Variants in MED13L observed in about 807,000 individuals in gnomAD.
MED13L encodes the protein mediator of RNA polymerase II transcription subunit 13-like.
MED13L carries 7 observed loss-of-function variants against 220.9 expected under a neutral mutation model. The ratio of observed to expected loss-of-function variants is 0.03; its 90% CI spans 0.02 to 0.06. The LOEUF is 0.06. Among genes scored for constraint, MED13L ranks in the 10% least tolerant of loss-of-function variants. MED13L has a pLI of 1.00. For missense variants in MED13L, 1,965 were observed against 2,760.5 expected (o/e 0.71, Z 6.46); for synonymous variants, 1,011 against 1,015.2 (o/e 1.00, Z 0.08).
At chr12:116,253,517 C>T (rs1489477591) in intron 1 of MED13L, among the ~76,000 whole-genome samples, 1 of 151,972 alleles carries the variant, frequency 6.6e-6, no homozygotes, top group Non-Finnish European at 1.5e-5. Context: ...CGCCAATATC[C>T]TTCATAAACA....
chr12:116,074,396 A>G (rs1392956925), intron 4 of MED13L, among the ~76,000 whole-genome samples: 2 of 152,230 alleles, frequency 1.3e-5, no homozygotes, highest in Non-Finnish European at 2.9e-5. Flanking sequence ...CTCTGCCTCA[A>G]AACAACAACA....
chr12:115,996,596 T>C lies in MED13L; in HGVS notation c.2876A>G (p.His959Arg). Residue 959 changes from histidine to arginine, a missense_variant, in exon 16 of 31, where the codon CAT (histidine) becomes CGT (arginine). By Grantham distance (29) the His-to-Arg change is conservative (BLOSUM62 0). Transcript: ENST00000281928. ...MFAPLKMLPSHCLLPLKIPDA... is the reference protein window; with the variant it reads ...MFAPLKMLPSRCLLPLKIPDA... ...AGGTATCTTCAGAGGTAGCAAACAA[T>C]GGCTCGGCAACATCTTCAGTGGAGC... The C allele has an allele frequency of 1.2e-6, 2 of 1,614,030 alleles. No individual in the cohort carries two copies. Among genetic ancestry groups the C allele is most frequent in the Non-Finnish European group, 1.7e-6 (2 of 1,179,950 alleles).
chr12:116,074,922 A>AC (rs750254309), intron 4 of MED13L, among the ~76,000 whole-genome samples: 3 of 152,254 alleles, frequency 2.0e-5, no homozygotes, highest in Non-Finnish European at 4.4e-5. Context: ...GTATTTAAAT[A>AC]CCCTGCTTAG....
chr12:115,970,796 T>A (rs1176320891), intron 26 of MED13L, 26 bp from the exon 27 acceptor site: 1 of 1,605,426 alleles, frequency 6.2e-7, no homozygotes, highest in Non-Finnish European at 8.5e-7. Context: ...TAGAATTATA[T>A]CAATCAATGA....
At chr12:116,226,982 C>T (rs1342202767) in intron 2 of MED13L, among the ~76,000 whole-genome samples, 1 of 151,050 alleles carries the variant, frequency 6.6e-6, no homozygotes, top group Non-Finnish European at 1.5e-5. Context: ...ACCTTAGGCC[C>T]AATGATACTT....
intron 1 of MED13L, among the ~76,000 whole-genome samples, chr12:116,239,816 T>C (rs532628143): frequency 5.9e-5 from 9 of 152,324 alleles, no homozygotes; most frequent in Non-Finnish European, 8.8e-5. Flanking sequence ...TATCGGCCAA[T>C]TGAATAGAAC....
chr12:115,989,846 C>T (rs1201975184), intron 17 of MED13L, among the ~76,000 whole-genome samples: 1 of 152,156 alleles, frequency 6.6e-6, no homozygotes, highest in Non-Finnish European at 1.5e-5. Context: ...TTGTTTCTTA[C>T]TAGGTCTTCC....
intron 1 of MED13L, among the ~76,000 whole-genome samples, chr12:116,240,495 AAG>A (rs1175690694): frequency 1.3e-5 from 2 of 152,086 alleles, no homozygotes; most frequent in African/African-American, 2.4e-5. Context: ...CAAAAATAAA[AAG>A]AAGTTGAAAT....
At chr12:116,094,716 G>A (rs1405518526) in intron 4 of MED13L, among the ~76,000 whole-genome samples, 1 of 152,142 alleles carries the variant, frequency 6.6e-6, no homozygotes, top group Non-Finnish European at 1.5e-5. Context: ...ATCCATGTTA[G>A]GCATGGACAG....
In MED13L at chr12:116,008,416, C is replaced by G. The variant is rs1356763605; in HGVS notation, c.1997G>C (p.Ser666Thr). 7 of 1,610,630 alleles carry G rather than the reference C, an allele frequency of 4.3e-6. No homozygotes were observed. The highest frequency in any genetic ancestry group is 5.9e-6 in the Non-Finnish European group (7 of 1,179,004). ...CDAKMEVNSE[S>T]TALQRLLAQP... ...GCTGTCTTACCTTTGCAATGCAGTG[C>G]TCTCTGAGTTTACCTCCATTTTGGC... is the stretch of plus-strand genomic sequence containing the variant. Residue 666 changes from serine to threonine, a missense_variant, in exon 10 of 31, where the codon AGC becomes ACC. Around this residue, in one of 10 missense-constraint regions of MED13L, gnomAD observed 818 missense variants for 1,041.2 expected, o/e 0.79. Transcript: ENST00000281928.
intron 4 of MED13L, among the ~76,000 whole-genome samples, chr12:116,022,861 A>T (rs1323221682): frequency 2.6e-5 from 4 of 152,168 alleles, no homozygotes; most frequent in African/African-American, 9.7e-5. Flanking sequence ...ATAAAATCTA[A>T]CTCTTATGCC....
intron 22 of MED13L, chr12:115,981,999 G>A (rs1180723859): frequency 5.0e-6 from 1 of 201,170 alleles, no homozygotes; most frequent in Non-Finnish European, 1.0e-5. Context: ...AAAACTTTTG[G>A]AATGCCAATA....
At chr12:116,049,533 T>C (rs534418034) in intron 4 of MED13L, among the ~76,000 whole-genome samples, 1 of 152,298 alleles carries the variant, frequency 6.6e-6, no homozygotes, top group East Asian at 1.9e-4. Context: ...GATGAATCAT[T>C]TGCAGTTAGG....
chr12:115,992,172 T>C (rs1012699650), intron 16 of MED13L, among the ~76,000 whole-genome samples: 2 of 152,076 alleles, frequency 1.3e-5, no homozygotes, highest in Non-Finnish European at 2.9e-5. Context: ...GTATGAAGAA[T>C]AATTCAACAC....
rs550971751 is a variant in MED13L at position 116,166,673 on chromosome 12, T to G, written c.311-55161A>C. Among the ~76,000 whole-genome samples the G allele has an allele frequency of 3.5e-4, 54 of 152,306 alleles. 1 individual carries two copies. The South Asian group carries it at 0.011, about 30-fold the overall frequency. On this transcript the variant is annotated intron_variant, in intron 2 of 30. Coordinates refer to ENST00000281928, the MANE Select transcript of MED13L (RefSeq NM_015335.5). ...CTATACAGCACCATACTGCTCATAA[T>G]CATACTTGTCTTCACTGCAGTTTTG...
intron 29 of MED13L, among the ~76,000 whole-genome samples, chr12:115,965,654 G>A (rs750890444): frequency 3.3e-5 from 5 of 152,292 alleles, no homozygotes; most frequent in African/African-American, 9.6e-5. Flanking sequence ...GTAAATGTGC[G>A]ATGTTTTTAG....
chr12:116,086,887 G>A (rs1166606837), intron 4 of MED13L, among the ~76,000 whole-genome samples: 1 of 152,040 alleles, frequency 6.6e-6, no homozygotes, highest in Admixed American at 6.5e-5. Flanking sequence ...CCAAAATCAT[G>A]GTGATTTCAA....
At chr12:116,222,642 A>G (rs1044900701) in intron 2 of MED13L, among the ~76,000 whole-genome samples, 7 of 152,170 alleles carry the variant, frequency 4.6e-5, no homozygotes, top group African/African-American at 1.7e-4. Flanking sequence ...ACTTCAACTA[A>G]TATAGGGAAT....
intron 2 of MED13L, among the ~76,000 whole-genome samples, chr12:116,112,717 T>C (rs149744621): frequency 6.5e-4 from 99 of 152,342 alleles, no homozygotes; most frequent in African/African-American, 2.1e-3. Context: ...TAACAAATGA[T>C]AGTCTTTGCT....
Sources: allele counts gnomAD v4.1 joint callset (sites outside exome capture counted in the v4.1 genomes callset), GRCh38; gene constraint gnomAD v4.1.1; regional missense constraint gnomAD v4.1.1; transcripts MANE v1.5; gene names NCBI Gene and HGNC (gene_info 2026-07-23, HGNC 2026-07-21).